Variants in NOL4 observed in about 807,000 individuals in gnomAD.
NOL4 encodes nucleolar protein 4, also known as cancer/testis antigen 125.
A neutral mutation model predicts 75.9 loss-of-function variants in NOL4; 17 were observed. That is an observed-to-expected ratio of 0.22 (90% CI 0.15 to 0.34). The LOEUF (loss-of-function observed/expected upper bound fraction) is 0.34. Ranked by LOEUF, NOL4 falls within the 10% of genes least tolerant of loss-of-function variation. The pLI is 1.00. For missense variants in NOL4, 614 were observed against 793.5 expected, an observed-to-expected ratio of 0.77 and a Z score of 2.72; for synonymous variants, 292 against 289.9, an observed-to-expected ratio of 1.01 and a Z score of -0.07.
At chr18:34,131,101 C>CA (rs1317034115) in intron 1 of NOL4, among the ~76,000 whole-genome samples, 2 of 146,700 alleles carry the variant, frequency 1.4e-5, no homozygotes, top group African/African-American at 2.6e-5. Flanking sequence ...CACACACACA[C>CA]ACTTCTTATT....
chr18:33,958,335 CCT>C lies in NOL4; in HGVS notation c.1138_1139del (p.Arg380GlyfsTer3). The stretch of plus-strand genomic sequence containing the variant: ...CGTGGTCATCTTCGTCCTCATCTCC[CCT>C]GTTTAGTGAGAGGTCCTCAGCTCCT... ...DRGAEDLSLNRGDEDEDDHED... is the reference protein window; with the variant it reads ...DRGAEDLSLNXGDEDEDDHED... On this transcript the variant is annotated frameshift_variant, in exon 7 of 11. Coordinates refer to ENST00000261592, the MANE Select transcript of NOL4 (RefSeq NM_003787.5). LOFTEE classifies it high-confidence loss of function. 1 of 1,613,642 alleles carries C rather than the reference CCT, an allele frequency of 6.2e-7. No individual in the cohort carries two copies. Among genetic ancestry groups the C allele is most frequent in the East Asian group, 2.2e-5 (1 of 44,848 alleles).
chr18:33,863,956 T>C (rs1464182165), intron 10 of NOL4, among the ~76,000 whole-genome samples: 1 of 152,098 alleles, frequency 6.6e-6, no homozygotes, highest in Non-Finnish European at 1.5e-5. Flanking sequence ...CACCAGCAGG[T>C]CAATCACCAT....
rs2068594822 is a variant in NOL4 at position 33,942,967 on chromosome 18, A to G, written c.1542+98T>C. The G allele has an allele frequency of 3.8e-6, 3 of 797,692 alleles. No individual in the cohort carries two copies. In the South Asian group the frequency reaches 4.8e-5, roughly 13 times the overall value. The allele number at this position is 797,692 out of a possible 1,614,324, so 49.4% of individuals were successfully genotyped here. A position where few individuals can be genotyped will look rare whatever the true frequency, so the allele number is the denominator to read the frequency against. ...CAAAAACTATATCTCTGTGTACTTTAAATCCATTCAAGAGCTTTTACTCTT... is the reference window on the plus strand; with the variant it reads ...CAAAAACTATATCTCTGTGTACTTTGAATCCATTCAAGAGCTTTTACTCTT... On this transcript the variant is annotated intron_variant, in intron 9 of 10. Coordinates refer to ENST00000261592, the MANE Select transcript of NOL4 (RefSeq NM_003787.5).
intron 1 of NOL4, among the ~76,000 whole-genome samples, chr18:34,149,011 T>G (rs753476201): frequency 1.3e-5 from 2 of 151,760 alleles, no homozygotes; most frequent in Non-Finnish European, 3.0e-5. Context: ...CTCTGAAGAT[T>G]TAATCATTTG....
chr18:33,959,797 G>A (rs77307816), intron 6 of NOL4, among the ~76,000 whole-genome samples: 17 of 152,108 alleles, frequency 1.1e-4, no homozygotes, highest in East Asian at 9.7e-4. Flanking sequence ...TACAGATAAG[G>A]AAACAGCTTT....
chr18:34,072,265 G>C (rs1449956536), intron 5 of NOL4, among the ~76,000 whole-genome samples: 4 of 151,844 alleles, frequency 2.6e-5, no homozygotes, highest in Non-Finnish European at 4.4e-5. Flanking sequence ...GACAGACAAA[G>C]GCACACTATT....
intron 6 of NOL4, chr18:34,001,777 A>G (rs947877611): frequency 6.5e-6 from 1 of 152,810 alleles, no homozygotes. Flanking sequence ...TTAATTGTAA[A>G]CACCACTGCA....
intron 10 of NOL4, among the ~76,000 whole-genome samples, chr18:33,855,465 G>C (rs2062796347): frequency 6.6e-6 from 1 of 152,064 alleles, no homozygotes. Context: ...GAGAAGCACG[G>C]CTCTGGAAAA....
At chr18:33,938,447 T>A (rs183766975) in intron 9 of NOL4, among the ~76,000 whole-genome samples, 2 of 152,278 alleles carry the variant, frequency 1.3e-5, no homozygotes, top group African/African-American at 4.8e-5. Context: ...GCATCTGTTG[T>A]TTCCTGACTT....
chr18:33,957,621 TA>T, intron 7 of NOL4, 104 bp from the exon 8 acceptor site: 1 of 892,312 alleles, frequency 1.1e-6, no homozygotes, highest in South Asian at 2.2e-5. Flanking sequence ...TTTTCTGGTT[TA>T]TGCACTGGAG....
At chr18:33,895,658 GA>G (rs951386502) in intron 9 of NOL4, among the ~76,000 whole-genome samples, 5 of 151,306 alleles carry the variant, frequency 3.3e-5, no homozygotes, top group Admixed American at 2.0e-4. Context: ...TTTGGAATAA[GA>G]AAAAAAATAG....
chr18:34,199,874 G>A (rs190544290), intron 1 of NOL4, among the ~76,000 whole-genome samples: 2 of 151,966 alleles, frequency 1.3e-5, no homozygotes, highest in African/African-American at 2.4e-5. Flanking sequence ...AGTTCAGAGA[G>A]GGAAGGAGAG....
intron 6 of NOL4, among the ~76,000 whole-genome samples, chr18:33,981,747 G>A (rs1008820107): frequency 9.9e-5 from 15 of 152,018 alleles, no homozygotes; most frequent in Admixed American, 9.2e-4. Context: ...TTTTCAAAGA[G>A]CATTAGAGGA....
At chr18:34,062,985 AT>A (rs548730035) in intron 5 of NOL4, among the ~76,000 whole-genome samples, 3 of 152,230 alleles carry the variant, frequency 2.0e-5, no homozygotes, top group Non-Finnish European at 4.4e-5. Context: ...TTACGGGAGA[AT>A]TTACTTATGG....
chr18:34,222,600 C>T, intron 1 of NOL4: 1 of 421,438 alleles, frequency 2.4e-6, no homozygotes, highest in Non-Finnish European at 3.2e-6. Context: ...GGGCTTCCAG[C>T]CTGGCCTTTA....
chr18:34,190,960 C>T (rs1323845453), intron 1 of NOL4, among the ~76,000 whole-genome samples: 1 of 151,974 alleles, frequency 6.6e-6, no homozygotes, highest in African/African-American at 2.4e-5. Flanking sequence ...AGAATCTCAT[C>T]AGGCAAAGAA....
intron 9 of NOL4, among the ~76,000 whole-genome samples, chr18:33,890,605 T>A (rs1315039589): frequency 6.6e-6 from 1 of 152,048 alleles, no homozygotes; most frequent in Admixed American, 6.6e-5. Context: ...AGCATCAAAT[T>A]TACAGCTGAT....
At chr18:34,084,830 A>G (rs186684290) in intron 5 of NOL4, among the ~76,000 whole-genome samples, 1 of 152,202 alleles carries the variant, frequency 6.6e-6, no homozygotes, top group South Asian at 2.1e-4. Flanking sequence ...TAGTTGATTT[A>G]TCTGTCTGCA....
Position 34,223,389 on chromosome 18 carries a change from G to C in NOL4, c.-136C>G, listed in dbSNP as rs761922743. ...GCCGCAGCGGGAGCCTGCTTTGGGT[G>C]GGGGAAGGGATGGGAAGAGGGGAGG... is the stretch of plus-strand genomic sequence containing the variant. On this transcript the variant is annotated 5_prime_UTR_variant, in exon 1 of 11. Transcript: ENST00000261592. 6.9e-5 allele frequency: 89 copies of C among 1,290,060 alleles called. No homozygotes were observed. Among genetic ancestry groups the C allele is most frequent in the Non-Finnish European group, 8.3e-5 (79 of 947,734 alleles). 79.9% of individuals were successfully genotyped at this position (1,290,060 alleles called of 1,614,324 possible). A position where few individuals can be genotyped will look rare whatever the true frequency, so the allele number is the denominator to read the frequency against.
Sources: allele counts gnomAD v4.1 joint callset (sites outside exome capture counted in the v4.1 genomes callset), GRCh38; gene constraint gnomAD v4.1.1; transcripts MANE v1.5; gene names NCBI Gene and HGNC (gene_info 2026-07-23, HGNC 2026-07-21).